DOP1B: variants seen among roughly 807,000 people sequenced by gnomAD.
DOP1B encodes the protein protein DOP1B.
DOP1B carries 174 observed loss-of-function variants against 233.5 expected under a neutral mutation model. That is an observed-to-expected ratio of 0.75 (90% confidence interval 0.66 to 0.85). The LOEUF is 0.85. Among genes scored for constraint, DOP1B ranks in the 40% least tolerant of loss-of-function variants. The probability of loss-of-function intolerance (pLI) is 0.00; values close to 1 mark genes in which losing one functional copy is unlikely to be tolerated. For missense variants in DOP1B, 2,652 were observed against 2,846.6 expected (o/e 0.93, Z 1.56); for synonymous variants, 1,190 against 1,185.6 (o/e 1.00, Z -0.08).
intron 26 of DOP1B, among the ~76,000 whole-genome samples, chr21:36,269,676 T>C (rs902819320): frequency 6.6e-6 from 1 of 151,806 alleles, no homozygotes; most frequent in African/African-American, 2.4e-5. Context: ...TGTGCCATCA[T>C]GCCCAGCTAA....
chr21:36,163,029 G>A (rs573795730), intron 1 of DOP1B, among the ~76,000 whole-genome samples: 1 of 152,212 alleles, frequency 6.6e-6, no homozygotes, highest in Non-Finnish European at 1.5e-5. Flanking sequence ...AAACAGAAAG[G>A]ACCTCTGCCA....
intron 26 of DOP1B, among the ~76,000 whole-genome samples, chr21:36,266,213 G>T (rs1221877448): frequency 6.6e-6 from 1 of 152,134 alleles, no homozygotes; most frequent in Non-Finnish European, 1.5e-5. Flanking sequence ...TCTTGCTCTT[G>T]TTGCCCAAGC....
At chr21:36,163,301 G>A (rs961758611) in intron 1 of DOP1B, among the ~76,000 whole-genome samples, 11 of 137,724 alleles carry the variant, frequency 8.0e-5, no homozygotes, top group Non-Finnish European at 1.1e-4. Flanking sequence ...CCAAGATTGC[G>A]CCACCGCACT....
Position 36,263,754 on chromosome 21 carries a change from G to A in DOP1B, c.5427G>A (p.Leu1809=). The A allele has an allele frequency of 6.2e-7, 1 of 1,614,186 alleles. No homozygotes were observed. The highest frequency in any genetic ancestry group is 8.5e-7 in the Non-Finnish European group (1 of 1,180,026). The change falls in exon 26 of 37, where the codon CTG becomes CTA. Residue 1809 remains leucine (L), a synonymous_variant. Transcript: ENST00000691173. The part of the protein sequence containing the change: ...PPGYFLLLSM[L]NDFVTRTPNL... ...GCTGATTGTCTCCCAACAGCATGCT[G>A]AATGACTTTGTAACAAGAACTCCCA...
chr21:36,176,148 G>A (rs907774066), intron 2 of DOP1B, among the ~76,000 whole-genome samples: 2 of 104,816 alleles, frequency 1.9e-5, no homozygotes, highest in Admixed American at 1.0e-4. Context: ...ACCCAGAACT[G>A]CTGAGTCAGG....
In DOP1B at chr21:36,245,082, C is replaced by G. The variant is rs141620981; in HGVS notation, c.3102C>G (p.Thr1034=). Residue 1034 remains threonine, a synonymous_variant, in exon 19 of 37, where the codon ACC becomes ACG. Coordinates refer to ENST00000691173, the MANE Select transcript of DOP1B (RefSeq NM_001320714.2). This position sits in a 1 kb window ranked among gnomAD's most constrained non-coding sequence, Gnocchi z 5.5. ...ACCGTTGGTTTAACAGGAAGAAAAC[C>G]TCTTTCAGAGAGGCATGCGCAGTGC... ...DLHRWFNRKK[T]SFREACAVPE... is the part of the protein sequence containing the mutation. 2.1e-5 allele frequency: 34 copies of G among 1,600,130 alleles called. No individual in the cohort carries two copies. Among genetic ancestry groups the G allele is most frequent in the Middle Eastern group, 3.3e-4 (2 of 6,048 alleles).
At position 36,231,083 on chromosome 21, in the gene DOP1B, C is replaced by A; in HGVS notation, c.2299C>A (p.Leu767Met). 6.2e-7 allele frequency: 1 copy of A among 1,612,896 alleles called. No individual in the cohort carries two copies. Among genetic ancestry groups the A allele is most frequent in the Non-Finnish European group, 8.5e-7 (1 of 1,179,482 alleles). The change falls in exon 14 of 37, where the codon CTG becomes ATG. Residue 767 changes from leucine (L) to methionine (M), a missense_variant. Physicochemically the swap from Leu to Met is conservative, Grantham distance 15 (BLOSUM62 2). This residue lies in a region of DOP1B where 2,617 missense variants were observed against 2,794.3 expected (regional missense o/e 0.94). Coordinates refer to ENST00000691173, the MANE Select transcript of DOP1B (RefSeq NM_001320714.2). ...GGATTGTGCCACTTTCCCTGTCTAC[C>A]TGTCCGAGGAAGAGACCGAGCAGCT... Reference protein sequence around the residue: ...LLDCATFPVYLSEEETEQLCA... With the variant: ...LLDCATFPVYMSEEETEQLCA...
chr21:36,181,968 G>A (rs2066103641), intron 2 of DOP1B, among the ~76,000 whole-genome samples: 1 of 152,158 alleles, frequency 6.6e-6, no homozygotes, highest in Non-Finnish European at 1.5e-5. Flanking sequence ...GGCAAGAAAG[G>A]CATGTCATTT....
At chr21:36,215,107 G>A (rs751749228) in intron 9 of DOP1B, among the ~76,000 whole-genome samples, 6 of 152,156 alleles carry the variant, frequency 3.9e-5, no homozygotes, top group Non-Finnish European at 8.8e-5. Flanking sequence ...AGCTCCTATA[G>A]TGTCTACAGA....
chr21:36,161,719 G>A (rs970936194), intron 1 of DOP1B, among the ~76,000 whole-genome samples: 6 of 152,108 alleles, frequency 3.9e-5, no homozygotes, highest in African/African-American at 1.4e-4. Flanking sequence ...ATTTTAGCAC[G>A]TTTGCCTTAC....
intron 2 of DOP1B, among the ~76,000 whole-genome samples, chr21:36,195,847 G>A (rs775015914): frequency 2.0e-5 from 3 of 152,180 alleles, no homozygotes; most frequent in Non-Finnish European, 4.4e-5. Context: ...TGCCTTACTG[G>A]ATCAGAAAGT....
rs2066754724 is a variant in DOP1B, at chr21:36,230,821, G to A, written c.2037G>A (p.Lys679=). Residue 679 remains lysine, a synonymous_variant, in exon 14 of 37, where the codon AAG becomes AAA. Coordinates refer to ENST00000691173, the MANE Select transcript of DOP1B (RefSeq NM_001320714.2). ...TGGCAGCCAATGATTCCAGCAGGAA[G>A]AACTCTTGGGAGCCCAAGCCCATCA... ...QSLAANDSSR[K]NSWEPKPITV... is the part of the protein sequence containing the mutation. 6.2e-7 allele frequency: 1 copy of A among 1,614,144 alleles called. No individual in the cohort carries two copies.
intron 9 of DOP1B, 51 bp downstream of exon 9, chr21:36,214,607 T>A: frequency 3.4e-6 from 5 of 1,472,052 alleles, no homozygotes; most frequent in African/African-American, 1.4e-5. Flanking sequence ...GATTACCTGT[T>A]TTCAGGGAAA....
At chr21:36,279,365 C>T (rs1215887476) in intron 30 of DOP1B, among the ~76,000 whole-genome samples, 4 of 151,970 alleles carry the variant, frequency 2.6e-5, no homozygotes, top group African/African-American at 7.3e-5. Flanking sequence ...CTGCAGTGAG[C>T]TGTGATTGTG....
intron 2 of DOP1B, among the ~76,000 whole-genome samples, chr21:36,182,523 G>C (rs2066112030): frequency 1.3e-5 from 2 of 152,074 alleles, no homozygotes. Context: ...TGCCACGACA[G>C]GGAAAGATAG....
chr21:36,263,395 T>C, intron 24 of DOP1B, 151 bp from the exon 25 acceptor site: 1 of 662,338 alleles, frequency 1.5e-6, no homozygotes, highest in Non-Finnish European at 2.6e-6. Context: ...GTTTAGCTCA[T>C]GTACATTGTA....
chr21:36,160,463 C>G (rs1165516313), intron 1 of DOP1B, among the ~76,000 whole-genome samples: 2 of 144,890 alleles, frequency 1.4e-5, no homozygotes, highest in Non-Finnish European at 3.0e-5. Flanking sequence ...TTGTTTGGTT[C>G]TATTTTAAGT....
rs2066971080 is a variant in DOP1B, at chr21:36,246,775, T to C, written c.4697+98T>C. 1 of 1,438,564 alleles carries C rather than the reference T, an allele frequency of 7.0e-7. No homozygotes were observed. Among genetic ancestry groups the C allele is most frequent in the Non-Finnish European group, 9.3e-7 (1 of 1,070,374 alleles). 89.1% of individuals were successfully genotyped at this position (1,438,564 alleles called of 1,614,324 possible). A position where few individuals can be genotyped will look rare whatever the true frequency, so the allele number is the denominator to read the frequency against. Reference sequence around the variant, plus strand: ...GATGTGGATGTCGGTTGGAGGATAATTTCATCCCAATGAGAAGCCTGTTTA... The same window carrying C: ...GATGTGGATGTCGGTTGGAGGATAACTTCATCCCAATGAGAAGCCTGTTTA... On this transcript the variant is annotated intron_variant, in intron 19 of 36. Transcript: ENST00000691173. The surrounding 1 kb of genome is among the most constrained non-coding windows in gnomAD (Gnocchi z 5.1).
chr21:36,172,727 C>T (rs1334772501), intron 2 of DOP1B, among the ~76,000 whole-genome samples: 1 of 151,968 alleles, frequency 6.6e-6, no homozygotes, highest in African/African-American at 2.4e-5. Flanking sequence ...TCCTGGGTGA[C>T]AGAGTGAGAC....
Sources: gnomAD v4.1 joint callset for allele counts (sites outside exome capture counted in the v4.1 genomes callset) on GRCh38, gnomAD v4.1.1 for gene constraint, gnomAD v4.1.1 regional missense constraint, Gnocchi (gnomAD v3.1) non-coding constraint, MANE v1.5 for transcripts, NCBI Gene and HGNC (gene_info 2026-07-23, HGNC 2026-07-21) for gene names.